NCALD: variants seen among roughly 807,000 people sequenced by gnomAD.
NCALD encodes neurocalcin delta.
NCALD carries 10 observed loss-of-function variants against 18.6 expected under a neutral mutation model. The ratio of observed to expected loss-of-function variants is 0.54; its 90% CI spans 0.33 to 0.91. NCALD has a LOEUF of 0.91. Among genes scored for constraint, NCALD ranks in the 40% least tolerant of loss-of-function variants. The pLI, the probability that NCALD is intolerant of heterozygous loss-of-function variation, is 0.03. For missense variants in NCALD, 184 were observed against 247.6 expected (o/e 0.74, Z 1.72); for synonymous variants, 88 against 87.4 (o/e 1.01, Z -0.04).
chr8:101,881,189 T>C (rs1816482140), intron 4 of NCALD, among the ~76,000 whole-genome samples: 1 of 152,176 alleles, frequency 6.6e-6, no homozygotes, highest in Non-Finnish European at 1.5e-5. Context: ...AGGAATTTTA[T>C]TTAAAAATAA....
intron 1 of NCALD, among the ~76,000 whole-genome samples, chr8:102,106,582 T>C (rs888847473): frequency 1.8e-4 from 27 of 152,120 alleles, no homozygotes; most frequent in African/African-American, 6.3e-4. Context: ...GCCCTGATCC[T>C]CTAGGGTCCT....
chr8:101,859,581 A>T (rs544832914), intron 4 of NCALD, among the ~76,000 whole-genome samples: 1 of 152,278 alleles, frequency 6.6e-6, no homozygotes, highest in East Asian at 1.9e-4. Flanking sequence ...TAGCAAATTA[A>T]CAAAGAGATT....
rs192405167 is a variant in NCALD, at chr8:101,743,827, C to T, written c.-19-24179G>A. Among the ~76,000 whole-genome samples, 86 of 152,312 alleles carry T rather than the reference C, an allele frequency of 5.6e-4. 1 individual carries two copies. The highest frequency in any genetic ancestry group is 6.8e-3 in the Middle Eastern group (2 of 294). On this transcript the variant is annotated intron_variant, in intron 1 of 3. Coordinates refer to ENST00000220931, the MANE Select transcript of NCALD (RefSeq NM_032041.3). Reference sequence around the variant, plus strand: ...GACCAAGTTTTGTCTGAAATCTGCTCCTAATTGCTAAGGGAGCAAAGGACT... The same window carrying T: ...GACCAAGTTTTGTCTGAAATCTGCTTCTAATTGCTAAGGGAGCAAAGGACT...
chr8:101,950,900 C>T (rs1222752864), intron 2 of NCALD, among the ~76,000 whole-genome samples: 2 of 152,198 alleles, frequency 1.3e-5, no homozygotes, highest in African/African-American at 4.8e-5. Flanking sequence ...ATTTGTTCCA[C>T]AGCAGAGTTG....
chr8:101,751,987 T>A (rs1810680053), intron 1 of NCALD, among the ~76,000 whole-genome samples: 1 of 152,246 alleles, frequency 6.6e-6, no homozygotes, highest in African/African-American at 2.4e-5. Context: ...AACAATGGCA[T>A]GTTTTGGCTA....
intron 2 of NCALD, among the ~76,000 whole-genome samples, chr8:101,962,610 A>T (rs929519972): frequency 1.3e-5 from 2 of 152,222 alleles, no homozygotes; most frequent in East Asian, 3.8e-4. Context: ...CTTGCTGGAT[A>T]TGCAAAATCT....
chr8:101,791,518 T>A (rs1166727258), upstream of NCALD, among the ~76,000 whole-genome samples: 1 of 152,040 alleles, frequency 6.6e-6, no homozygotes, highest in Non-Finnish European at 1.5e-5. Context: ...ACCATGCTTG[T>A]GATGGAAAGA....
intron 3 of NCALD, among the ~76,000 whole-genome samples, chr8:101,896,043 G>A (rs950896587): frequency 2.0e-5 from 3 of 151,100 alleles, no homozygotes; most frequent in Admixed American, 2.0e-4. Context: ...CCAAAAAAGA[G>A]CCCGCATCGC....
intron 4 of NCALD, among the ~76,000 whole-genome samples, chr8:101,866,879 C>T (rs1815792912): frequency 6.6e-6 from 1 of 152,150 alleles, no homozygotes; most frequent in Admixed American, 6.5e-5. Context: ...TTAAAGAAGT[C>T]AGAGCATGTC....
intron 2 of NCALD, among the ~76,000 whole-genome samples, chr8:101,715,711 G>GA (rs1308070893): frequency 1.3e-5 from 2 of 152,058 alleles, no homozygotes; most frequent in African/African-American, 4.8e-5. Context: ...CAAAACATAT[G>GA]AAAAAAAGCT....
At chr8:101,876,175 T>C (rs1816219166) in intron 4 of NCALD, among the ~76,000 whole-genome samples, 1 of 152,218 alleles carries the variant, frequency 6.6e-6, no homozygotes, top group Non-Finnish European at 1.5e-5. Context: ...TAGTTGCTAT[T>C]CTAATTTGGA....
chr8:101,969,654 G>A (rs1820163553), intron 2 of NCALD, among the ~76,000 whole-genome samples: 1 of 152,010 alleles, frequency 6.6e-6, no homozygotes, highest in African/African-American at 2.4e-5. Flanking sequence ...ACCTCAGAAG[G>A]GCTTTTTAAT....
chr8:102,005,354 G>A lies in NCALD; in HGVS notation c.-157+14883C>T, dbSNP rs181298417. On this transcript the variant is annotated intron_variant, in intron 2 of 6. Coordinates refer to the NCALD transcript ENST00000311028. ...ACTATCTCACACCAGTTAGAATGGC[G>A]ATCATTCAAAAGTCAGGAAACAACA... is the stretch of plus-strand genomic sequence containing the variant. 5.7e-4 allele frequency among the ~76,000 whole-genome samples: 87 copies of A among 152,272 alleles called. 2 individuals carry two copies. In the South Asian group the frequency reaches 0.016, roughly 28 times the overall value.
intron 3 of NCALD, among the ~76,000 whole-genome samples, chr8:101,906,800 C>T (rs2131587715): frequency 6.6e-6 from 1 of 152,226 alleles, no homozygotes; most frequent in Admixed American, 6.5e-5. Flanking sequence ...TGGACATCAC[C>T]CCAGAGCAAG....
chr8:101,715,531 CA>C (rs1816035633), intron 2 of NCALD, among the ~76,000 whole-genome samples: 1 of 152,086 alleles, frequency 6.6e-6, no homozygotes, highest in Non-Finnish European at 1.5e-5. Flanking sequence ...AGTGAACAGG[CA>C]ACCTATAGAA....
chr8:101,843,224 A>T (rs936772527), intron 4 of NCALD, among the ~76,000 whole-genome samples: 7 of 152,244 alleles, frequency 4.6e-5, no homozygotes, highest in African/African-American at 1.7e-4. Context: ...TGAATAAATG[A>T]GTCAAACTAG....
chr8:101,823,942 T>A (rs577017349), intron 4 of NCALD, among the ~76,000 whole-genome samples: 1 of 152,334 alleles, frequency 6.6e-6, no homozygotes, highest in African/African-American at 2.4e-5. Context: ...TTGACCTACA[T>A]GGGGACAGTT....
chr8:101,753,110 T>C (rs1810727448), intron 1 of NCALD, among the ~76,000 whole-genome samples: 1 of 152,118 alleles, frequency 6.6e-6, no homozygotes, highest in African/African-American at 2.4e-5. Context: ...GACTGTCTCT[T>C]ATTAGGGCTA....
Position 101,809,698 on chromosome 8 carries a change from C to T in NCALD, c.-20+77443G>A. Among the ~76,000 whole-genome samples, 2 of 152,146 alleles carry T rather than the reference C, an allele frequency of 1.3e-5. 1 individual carries two copies. The highest frequency in any genetic ancestry group is 4.8e-5 in the African/African-American group (2 of 41,440). On this transcript the variant is annotated intron_variant, in intron 4 of 6. Transcript: ENST00000311028. The stretch of plus-strand genomic sequence containing the variant: ...TAGCTGGGATAACAGGCATGCGCCA[C>T]CACACCCAGCTAATTTTTGTATTTT...
Sources: gnomAD v4.1 joint callset for allele counts (sites outside exome capture counted in the v4.1 genomes callset) on GRCh38, gnomAD v4.1.1 for gene constraint, MANE v1.5 for transcripts, NCBI Gene and HGNC (gene_info 2026-07-23, HGNC 2026-07-21) for gene names.